GABRA2: variants seen among roughly 807,000 people sequenced by gnomAD.
GABRA2 encodes the protein gamma-aminobutyric acid receptor subunit alpha-2.
A neutral mutation model predicts 48.7 loss-of-function variants in GABRA2; 16 were observed. The ratio of observed to expected loss-of-function variants is 0.33; its 90% CI spans 0.22 to 0.50. GABRA2 has a LOEUF of 0.50. Among genes scored for constraint, GABRA2 ranks in the 20% least tolerant of loss-of-function variants. The probability of loss-of-function intolerance (pLI) is 0.98; values close to 1 mark genes in which losing one functional copy is unlikely to be tolerated. For synonymous variants in GABRA2, 185 were observed against 184.5 expected, an observed-to-expected ratio of 1.00 and a Z score of -0.02; for missense variants, 275 against 535.6, an observed-to-expected ratio of 0.51 and a Z score of 4.80.
chr4:46,321,622 G>T (rs1197403623), intron 4 of GABRA2, among the ~76,000 whole-genome samples: 4 of 151,994 alleles, frequency 2.6e-5, no homozygotes, highest in Non-Finnish European at 5.9e-5. Context: ...GAGCAGGTTG[G>T]CTAACCTTTC....
chr4:46,365,574 G>C (rs993814309), intron 3 of GABRA2: 1 of 152,020 alleles, frequency 6.6e-6, no homozygotes, highest in Non-Finnish European at 1.5e-5. Context: ...AACATATGCT[G>C]GGTACTTTTA....
chr4:46,260,820 T>C (rs1448198429), intron 9 of GABRA2: 1 of 151,868 alleles, frequency 6.6e-6, no homozygotes, highest in Non-Finnish European at 1.5e-5. Flanking sequence ...AAAACACAAC[T>C]TATAAAATGA....
At chr4:46,251,607 G>A (rs1389166658) in intron 9 of GABRA2, among the ~76,000 whole-genome samples, 1 of 151,302 alleles carries the variant, frequency 6.6e-6, no homozygotes, top group Non-Finnish European at 1.5e-5. Context: ...TTTGGTCTTG[G>A]TTTAAATGCC....
At chr4:46,256,295 C>T in intron 9 of GABRA2, 1 of 695,448 alleles carries the variant, frequency 1.4e-6, no homozygotes, top group Non-Finnish European at 2.6e-6. Flanking sequence ...ATACTTGGAC[C>T]ATATTAGCTT....
chr4:46,290,150 C>T (rs1312870877), intron 8 of GABRA2, among the ~76,000 whole-genome samples: 1 of 150,778 alleles, frequency 6.6e-6, no homozygotes, highest in Non-Finnish European at 1.5e-5. Context: ...GTGATCCGCC[C>T]GCCTCAGCCT....
intron 3 of GABRA2, among the ~76,000 whole-genome samples, chr4:46,375,636 A>G (rs1391293387): frequency 1.3e-5 from 2 of 152,208 alleles, no homozygotes; most frequent in East Asian, 3.8e-4. Context: ...TCTGCCTCAC[A>G]GTAAATATAC....
At chr4:46,257,191 A>G (rs1416830732) in intron 9 of GABRA2, among the ~76,000 whole-genome samples, 2 of 151,696 alleles carry the variant, frequency 1.3e-5, no homozygotes, top group African/African-American at 2.4e-5. Context: ...ATTTGTACCA[A>G]ATGGTGTCAA....
Position 46,263,192 on chromosome 4 carries a change from TA to T in GABRA2, c.857-1065del, listed in dbSNP as rs200793120. ...AGGTAATACAAAAAAAGTTGCTTTT[TA>T]AAAGCAGTATTATCATCAAAATGTT... On this transcript the variant is annotated intron_variant, in intron 8 of 9. Coordinates refer to ENST00000381620, the MANE Select transcript of GABRA2 (RefSeq NM_000807.4). Among the ~76,000 whole-genome samples, 1,305 of 152,226 alleles carry T rather than the reference TA, an allele frequency of 8.6e-3. 24 individuals are homozygous for T. The highest frequency in any genetic ancestry group is 0.03 in the African/African-American group (1,264 of 41,556).
intron 3 of GABRA2, among the ~76,000 whole-genome samples, chr4:46,340,289 T>A (rs1732994156): frequency 6.6e-6 from 1 of 151,928 alleles, no homozygotes; most frequent in Non-Finnish European, 1.5e-5. Flanking sequence ...CTTTTTGGTA[T>A]CATCACAAAG....
chr4:46,306,629 T>C (rs781773098), intron 6 of GABRA2, among the ~76,000 whole-genome samples: 17 of 152,128 alleles, frequency 1.1e-4, no homozygotes, highest in Non-Finnish European at 2.1e-4. Context: ...CTTTTACTCA[T>C]GAGAATGTTT....
chr4:46,279,000 T>A (rs572573880), intron 8 of GABRA2, among the ~76,000 whole-genome samples: 2 of 151,732 alleles, frequency 1.3e-5, no homozygotes, highest in South Asian at 4.1e-4. Context: ...GGTTTTATAT[T>A]ATATACTATA....
Position 46,390,057 on chromosome 4 carries a change from G to GT in GABRA2, c.-334_-333insA, listed in dbSNP as rs1216231714. On this transcript the variant is annotated 5_prime_UTR_variant, in exon 1 of 10. Coordinates refer to ENST00000381620, the MANE Select transcript of GABRA2 (RefSeq NM_000807.4). ...AAAACGATGACAGGAGCTGGGGCCG[G>GT]GGGGGGAAATTGGGGGGACGCGGGC... is the stretch of plus-strand genomic sequence containing the variant. 1 of 340,024 alleles carries GT rather than the reference G, an allele frequency of 2.9e-6. No homozygotes were observed. Among genetic ancestry groups the GT allele is most frequent in the Non-Finnish European group, 3.7e-6 (1 of 269,598 alleles). 21.1% of individuals were successfully genotyped at this position (340,024 alleles called of 1,614,324 possible). A position where few individuals can be genotyped will look rare whatever the true frequency, so the allele number is the denominator to read the frequency against.
At chr4:46,360,272 T>G (rs1307376957) in intron 3 of GABRA2, among the ~76,000 whole-genome samples, 5 of 152,218 alleles carry the variant, frequency 3.3e-5, no homozygotes, top group Non-Finnish European at 7.3e-5. Flanking sequence ...CGAAATCTCA[T>G]CTTGAATTGT....
chr4:46,390,174 G>C (rs1350759116), upstream of GABRA2: 4 of 193,926 alleles, frequency 2.1e-5, no homozygotes, highest in African/African-American at 5.0e-5. Context: ...GGAGGTTCCC[G>C]GGAAGGCAGG....
At chr4:46,378,502 C>A (rs1024926169) in intron 3 of GABRA2, among the ~76,000 whole-genome samples, 169 of 151,890 alleles carry the variant, frequency 1.1e-3, no homozygotes, top group African/African-American at 3.9e-3. Context: ...ATCTCAAGTA[C>A]CCAGGGACAC....
Position 46,314,941 on chromosome 4 carries a change from A to G in GABRA2, c.256-2225T>C, listed in dbSNP as rs1388411066. On this transcript the variant is annotated intron_variant, in intron 4 of 9. Coordinates refer to ENST00000381620, the MANE Select transcript of GABRA2 (RefSeq NM_000807.4). Reference sequence around the variant, plus strand: ...CTTTGCTATCGTGAATAGTGCTGCAATGAACATATGCATGCATGTGTCTTT... The same window carrying G: ...CTTTGCTATCGTGAATAGTGCTGCAGTGAACATATGCATGCATGTGTCTTT... 2.6e-5 allele frequency among the ~76,000 whole-genome samples: 4 copies of G among 152,114 alleles called. No individual in the cohort carries two copies. The East Asian group carries it at 7.7e-4, about 29-fold the overall frequency.
chr4:46,352,345 T>C (rs1370354085), intron 3 of GABRA2, among the ~76,000 whole-genome samples: 8 of 151,886 alleles, frequency 5.3e-5, no homozygotes, highest in African/African-American at 1.9e-4. Flanking sequence ...CTGTTGAGCC[T>C]CAACATTCTG....
chr4:46,332,239 A>G (rs1329714516), intron 4 of GABRA2, among the ~76,000 whole-genome samples: 1 of 152,170 alleles, frequency 6.6e-6, no homozygotes, highest in Non-Finnish European at 1.5e-5. Flanking sequence ...TACACTGACC[A>G]TGACCTAATT....
At chr4:46,346,129 T>G (rs1459687167) in intron 3 of GABRA2, among the ~76,000 whole-genome samples, 1 of 151,994 alleles carries the variant, frequency 6.6e-6, no homozygotes, top group Non-Finnish European at 1.5e-5. Flanking sequence ...CACCTACATG[T>G]GCCATTTGTC....
Sources: allele counts gnomAD v4.1 joint callset (sites outside exome capture counted in the v4.1 genomes callset), GRCh38; gene constraint gnomAD v4.1.1; transcripts MANE v1.5; gene names NCBI Gene and HGNC (gene_info 2026-07-23, HGNC 2026-07-21).